Variants in PRKD3 observed in about 807,000 individuals in gnomAD.
The protein encoded by PRKD3 is serine/threonine-protein kinase D3.
In PRKD3, 47 loss-of-function variants were observed where a neutral mutation model predicts 99.2. The observed-to-expected ratio is 0.47, with a 90% CI of 0.38 to 0.60. The LOEUF (loss-of-function observed/expected upper bound fraction) is 0.60, where lower values mean the gene tolerates loss of function less well. Ranked by LOEUF, PRKD3 falls within the 20% of genes least tolerant of loss-of-function variation. The pLI is 0.00. For missense variants in PRKD3, 1,019 were observed against 1,088.4 expected (o/e 0.94, Z 0.90); for synonymous variants, 392 against 355.4 (o/e 1.10, Z -1.16).
intron 14 of PRKD3, among the ~76,000 whole-genome samples, chr2:37,261,688 G>C (rs1558528946): frequency 6.6e-6 from 1 of 152,206 alleles, no homozygotes; most frequent in Non-Finnish European, 1.5e-5. Flanking sequence ...GCTGAGGCAG[G>C]AGAATTGCTT....
chr2:37,272,386 C>A lies in PRKD3; in HGVS notation c.1698G>T (p.Glu566Asp). The A allele has an allele frequency of 6.2e-7, 1 of 1,605,476 alleles. No individual in the cohort carries two copies. Among genetic ancestry groups the A allele is most frequent in the Non-Finnish European group, 8.5e-7 (1 of 1,177,608 alleles). ...SISVSNCQIQ[E>D]NVDISTVYQI... is the part of the protein sequence containing the mutation. ...AGCTATAACGATTACTTACCACATT[C>A]TCCTGAATCTGACAATTAGATACAG... The change falls in exon 12 of 19, where the codon GAG (glutamate) becomes GAT (aspartate). Residue 566 changes from glutamate (E) to aspartate (D), a missense_variant. By Grantham distance (45) the Glu-to-Asp change is conservative. Coordinates refer to ENST00000234179, the MANE Select transcript of PRKD3 (RefSeq NM_005813.6).
chr2:37,306,626 T>C (rs1312669302), intron 2 of PRKD3, among the ~76,000 whole-genome samples: 2 of 152,120 alleles, frequency 1.3e-5, no homozygotes, highest in East Asian at 3.9e-4. Flanking sequence ...CTGGGCAACA[T>C]GGTGAAACCC....
chr2:37,310,534 C>T (rs115907036), intron 2 of PRKD3, among the ~76,000 whole-genome samples: 2,369 of 152,248 alleles, frequency 0.016, 38 homozygotes, highest in Non-Finnish European at 0.021. Flanking sequence ...TAATTCCTTC[C>T]TTTATTTATT....
intron 2 of PRKD3, among the ~76,000 whole-genome samples, chr2:37,303,482 T>C (rs764728411): frequency 1.2e-4 from 18 of 152,026 alleles, no homozygotes; most frequent in Non-Finnish European, 2.4e-4. Context: ...TTCTGGGGCC[T>C]CTGGGGGGTT....
intron 2 of PRKD3, 122 bp downstream of exon 2, chr2:37,316,115 C>T (rs1671643457): frequency 2.8e-6 from 3 of 1,078,296 alleles, no homozygotes; most frequent in East Asian, 2.4e-5. Flanking sequence ...TAGAACTCTT[C>T]CAAAAATGCA....
chr2:37,278,143 TATG>T (rs559587570), intron 8 of PRKD3, 154 bp from the exon 9 acceptor site: 535 of 475,186 alleles, frequency 1.1e-3, no homozygotes, highest in Middle Eastern at 5.3e-3. Context: ...TTAATCCTGT[TATG>T]ATGATACATA....
intron 14 of PRKD3, among the ~76,000 whole-genome samples, chr2:37,262,747 T>C (rs1668562367): frequency 6.6e-6 from 1 of 152,188 alleles, no homozygotes; most frequent in African/African-American, 2.4e-5. Flanking sequence ...ACATTATTTT[T>C]CTCCCTTAAC....
intron 4 of PRKD3, among the ~76,000 whole-genome samples, chr2:37,289,784 A>G (rs552370054): frequency 1.3e-5 from 2 of 152,310 alleles, no homozygotes; most frequent in South Asian, 4.1e-4. Context: ...GTAAATTACA[A>G]GGCTCCACCC....
At position 37,269,431 on chromosome 2, in the gene PRKD3, C is replaced by T. The variant is rs1669070638; in HGVS notation, c.1777+184G>A. The T allele has an allele frequency of 8.6e-6, 5 of 578,036 alleles. No homozygotes were observed. In the East Asian group the frequency reaches 1.4e-4, roughly 17 times the overall value. 35.8% of individuals were successfully genotyped at this position (578,036 alleles called of 1,614,324 possible). Reference sequence around the variant, plus strand: ...TGATTCTGTTAATTTTTAAAGTTTGCAATGACATTAAGGGAAGAATACTCA... The same window carrying T: ...TGATTCTGTTAATTTTTAAAGTTTGTAATGACATTAAGGGAAGAATACTCA... On this transcript the variant is annotated intron_variant, in intron 13 of 18. Coordinates refer to ENST00000234179, the MANE Select transcript of PRKD3 (RefSeq NM_005813.6).
intron 14 of PRKD3, 68 bp downstream of exon 14, chr2:37,267,362 A>T: frequency 1.7e-5 from 18 of 1,063,834 alleles, no homozygotes; most frequent in Non-Finnish European, 2.3e-5. Flanking sequence ...AAAAAAAAAA[A>T]GAGAAGCAGT....
At chr2:37,280,034 G>T in intron 7 of PRKD3, 105 bp from the exon 8 acceptor site, 4 of 670,094 alleles carry the variant, frequency 6.0e-6, no homozygotes, top group Non-Finnish European at 9.5e-6. Flanking sequence ...ATATCTTTAT[G>T]AGTTAAGTAA....
Position 37,316,645 on chromosome 2 carries a change from T to C in PRKD3, c.-121A>G, listed in dbSNP as rs1170734181. Reference sequence around the variant, plus strand: ...TTTTGGATTTAGTTGAAAACTTCTTTATTTCCTCTGTTAAGCCACTCATGC... The same window carrying C: ...TTTTGGATTTAGTTGAAAACTTCTTCATTTCCTCTGTTAAGCCACTCATGC... On this transcript the variant is annotated 5_prime_UTR_variant, in exon 2 of 19. It adds an upstream start codon to the 5' untranslated region. Transcript: ENST00000234179. 2.0e-6 allele frequency: 3 copies of C among 1,470,138 alleles called. No homozygotes were observed. The highest frequency in any genetic ancestry group is 1.4e-5 in the African/African-American group (1 of 70,060). 91.1% of individuals were successfully genotyped at this position (1,470,138 alleles called of 1,614,324 possible).
intron 14 of PRKD3, among the ~76,000 whole-genome samples, chr2:37,260,885 A>G (rs1668386085): frequency 6.6e-6 from 1 of 152,186 alleles, no homozygotes; most frequent in Admixed American, 6.5e-5. Context: ...CTCTACCCAC[A>G]TTATCATGTT....
intron 2 of PRKD3, among the ~76,000 whole-genome samples, chr2:37,294,000 T>C (rs1032851625): frequency 2.3e-4 from 35 of 152,250 alleles, no homozygotes; most frequent in African/African-American, 8.2e-4. Flanking sequence ...TTGGATCTTA[T>C]GGGATGTGTT....
At chr2:37,298,067 A>T (rs1400022570) in intron 2 of PRKD3, among the ~76,000 whole-genome samples, 1 of 152,180 alleles carries the variant, frequency 6.6e-6, no homozygotes, top group African/African-American at 2.4e-5. Context: ...CACAACATTT[A>T]TATATATCAA....
chr2:37,267,361 A>AAG lies in PRKD3; in HGVS notation c.1884+67_1884+68dup. ...TTTGCCTTCTTAAAAAAAAAAAAAA[A>AAG]AGAGAAGCAGTTAATTCAGATTCTT... On this transcript the variant is annotated intron_variant, in intron 14 of 18. Transcript: ENST00000234179. The AAG allele has an allele frequency of 4.5e-6, 5 of 1,104,860 alleles. No homozygotes were observed. The African/African-American group carries it at 4.8e-5, about 11-fold the overall frequency. The allele number at this position is 1,104,860 out of a possible 1,614,324, so 68.4% of individuals were successfully genotyped here.
intron 2 of PRKD3, among the ~76,000 whole-genome samples, chr2:37,296,059 G>T (rs748418222): frequency 6.6e-6 from 1 of 151,768 alleles, no homozygotes; most frequent in Non-Finnish European, 1.5e-5. Flanking sequence ...TAAATGGAAA[G>T]AGACAAGGAA....
chr2:37,300,701 C>G (rs6726768), intron 2 of PRKD3, among the ~76,000 whole-genome samples: 6,784 of 152,260 alleles, frequency 0.045, 165 homozygotes, highest in African/African-American at 0.051. Flanking sequence ...TAGAACTCGT[C>G]ATAAGCTAAA....
intron 2 of PRKD3, among the ~76,000 whole-genome samples, chr2:37,306,473 A>G (rs1671172535): frequency 6.6e-6 from 1 of 152,212 alleles, no homozygotes; most frequent in Admixed American, 6.5e-5. Flanking sequence ...TTAAAAATTC[A>G]CATTAACTAT....
Sources: gnomAD v4.1 joint callset for allele counts (sites outside exome capture counted in the v4.1 genomes callset) on GRCh38, gnomAD v4.1.1 for gene constraint, MANE v1.5 for transcripts, NCBI Gene and HGNC (gene_info 2026-07-23, HGNC 2026-07-21) for gene names.